Variants in ROBO1 observed in about 807,000 individuals in gnomAD.
The protein encoded by ROBO1 is roundabout homolog 1.
ROBO1 carries 149 observed loss-of-function variants against 195.9 expected under a neutral mutation model. The observed-to-expected ratio is 0.76, with a 90% CI of 0.67 to 0.87. ROBO1 has a LOEUF of 0.87. Ranked by LOEUF, ROBO1 falls within the 40% of genes least tolerant of loss-of-function variation. The pLI, the probability that ROBO1 is intolerant of heterozygous loss-of-function variation, is 0.00. For missense variants in ROBO1, 1,933 were observed against 2,068.3 expected (o/e 0.93, Z 1.27); for synonymous variants, 816 against 733.2 (o/e 1.11, Z -1.82).
rs551120996 is a variant in ROBO1, at chr3:79,224,143, T to C, written c.89-98604A>G. On this transcript the variant is annotated intron_variant, in intron 2 of 30. Coordinates refer to ENST00000464233, the MANE Select transcript of ROBO1 (RefSeq NM_002941.4). Reference sequence around the variant, plus strand: ...ACACCATGATAATCAGGTTTGAAATTCTCAATAGACAGAAAAAAAGGTCTT... The same window carrying C: ...ACACCATGATAATCAGGTTTGAAATCCTCAATAGACAGAAAAAAAGGTCTT... Among the ~76,000 whole-genome samples, 78 of 152,224 alleles carry C rather than the reference T, an allele frequency of 5.1e-4. No homozygotes were observed. In the East Asian group the frequency reaches 5.8e-3, roughly 11 times the overall value.
intron 1 of ROBO1, among the ~76,000 whole-genome samples, chr3:79,649,731 G>A (rs1945943804): frequency 6.6e-6 from 1 of 152,080 alleles, no homozygotes; most frequent in Admixed American, 6.6e-5. Context: ...ATTAGCCTAT[G>A]AGTCTGACTA....
At position 78,688,774 on chromosome 3, in the gene ROBO1, T is replaced by C; in HGVS notation, c.1046-2A>G. ...GTTTCACAACAAAATGTGGAGGTTC[T>C]GAAGGAGGTGAAACAAATTACACCG... is the stretch of plus-strand genomic sequence containing the variant. On this transcript the variant is annotated splice_acceptor_variant, in intron 8 of 30. Coordinates refer to ENST00000464233, the MANE Select transcript of ROBO1 (RefSeq NM_002941.4). LOFTEE classifies it high-confidence loss of function. The C allele has an allele frequency of 6.2e-7, 1 of 1,605,982 alleles. No homozygotes were observed. The highest frequency in any genetic ancestry group is 8.5e-7 in the Non-Finnish European group (1 of 1,176,076).
At chr3:78,718,486 C>T (rs890126525) in intron 5 of ROBO1, among the ~76,000 whole-genome samples, 1 of 152,062 alleles carries the variant, frequency 6.6e-6, no homozygotes, top group Non-Finnish European at 1.5e-5. Context: ...AGAGAATGAA[C>T]AGGTCCCAGT....
At chr3:78,880,657 G>A (rs556847161) in intron 4 of ROBO1, among the ~76,000 whole-genome samples, 49 of 152,146 alleles carry the variant, frequency 3.2e-4, no homozygotes, top group Non-Finnish European at 5.7e-4. Context: ...CAACCAGGCC[G>A]CTGCTCTTTG....
chr3:79,543,522 C>G (rs776676304), intron 2 of ROBO1, among the ~76,000 whole-genome samples: 11 of 151,996 alleles, frequency 7.2e-5, no homozygotes, highest in Admixed American at 6.6e-4. Flanking sequence ...ACTGATTATA[C>G]CTGTTAAACG....
intron 4 of ROBO1, among the ~76,000 whole-genome samples, chr3:78,787,393 T>C (rs954399615): frequency 6.6e-6 from 1 of 152,202 alleles, no homozygotes; most frequent in South Asian, 2.1e-4. Flanking sequence ...CTGTTTATGT[T>C]TTTGAAGCAA....
intron 2 of ROBO1, among the ~76,000 whole-genome samples, chr3:79,524,168 A>AGTGTGT (rs10663604): frequency 0.066 from 9,890 of 150,668 alleles, 439 homozygotes; most frequent in Non-Finnish European, 0.096. Flanking sequence ...ATTTGAAGTA[A>AGTGTGT]GTGTGTGTGT....
chr3:79,467,782 T>C (rs1938046456), intron 2 of ROBO1, among the ~76,000 whole-genome samples: 1 of 152,210 alleles, frequency 6.6e-6, no homozygotes, highest in Non-Finnish European at 1.5e-5. Flanking sequence ...TGTTCCTGGC[T>C]GGCAGGGCTA....
chr3:79,589,509 C>T (rs73849629), intron 2 of ROBO1, among the ~76,000 whole-genome samples: 3,604 of 151,782 alleles, frequency 0.024, 95 homozygotes, highest in African/African-American at 0.067. Flanking sequence ...GTGTTACACA[C>T]CTTTTCCCTA....
At chr3:79,004,713 G>C (rs575281048) in intron 3 of ROBO1, among the ~76,000 whole-genome samples, 30 of 152,152 alleles carry the variant, frequency 2.0e-4, no homozygotes, top group Admixed American at 5.9e-4. Context: ...GGAAGCAGAT[G>C]TTAGAAAAGC....
intron 3 of ROBO1, among the ~76,000 whole-genome samples, chr3:79,009,933 T>C (rs1446652487): frequency 2.0e-5 from 3 of 152,176 alleles, no homozygotes; most frequent in Non-Finnish European, 4.4e-5. Flanking sequence ...TAAAAACTAG[T>C]TGGTACTTAC....
At chr3:79,633,226 G>A (rs1269337494) in intron 1 of ROBO1, among the ~76,000 whole-genome samples, 1 of 150,346 alleles carries the variant, frequency 6.7e-6, no homozygotes, top group Non-Finnish European at 1.5e-5. Flanking sequence ...ATCTAGGCTG[G>A]AGTGCAGTAC....
chr3:78,934,914 T>C (rs1206880893), intron 4 of ROBO1, among the ~76,000 whole-genome samples: 1 of 152,056 alleles, frequency 6.6e-6, no homozygotes, highest in Non-Finnish European at 1.5e-5. Context: ...TTCCACGGAC[T>C]AGATTTTGGA....
intron 1 of ROBO1, among the ~76,000 whole-genome samples, chr3:79,707,062 A>G (rs1947794212): frequency 6.6e-6 from 1 of 152,152 alleles, no homozygotes; most frequent in Non-Finnish European, 1.5e-5. Flanking sequence ...TCTAAGAAAG[A>G]CTGTAGAGAA....
rs115582931 is a variant in ROBO1 at position 79,483,785 on chromosome 3, G to A, written c.88+106039C>T. 5.6e-3 allele frequency among the ~76,000 whole-genome samples: 854 copies of A among 152,244 alleles called. 5 individuals are homozygous for A. The highest frequency in any genetic ancestry group is 0.02 in the African/African-American group (814 of 41,544). ...AAGCATTGCTAAGATGAGCATGACT[G>A]TGTCTAGCAGACAATCATGGATCTG... On this transcript the variant is annotated intron_variant, in intron 2 of 30. Coordinates refer to ENST00000464233, the MANE Select transcript of ROBO1 (RefSeq NM_002941.4).
intron 2 of ROBO1, among the ~76,000 whole-genome samples, chr3:79,417,484 C>G (rs1266254973): frequency 6.6e-6 from 1 of 152,078 alleles, no homozygotes; most frequent in East Asian, 1.9e-4. Context: ...GATTCCTGAT[C>G]CTCTAAAACT....
chr3:78,815,352 A>C (rs1009908573), intron 4 of ROBO1, among the ~76,000 whole-genome samples: 47 of 152,184 alleles, frequency 3.1e-4, no homozygotes, highest in African/African-American at 1.1e-3. Flanking sequence ...AAAGTACTTG[A>C]AAGAGATTAG....
In ROBO1 at chr3:79,608,108, G is replaced by A. The variant is rs187229523; in HGVS notation, c.-50-18147C>T. ...TGTTGTCAAGTATAGACAGTCCTGG[G>A]TATACAACTAAACTTTGTTACATGC... On this transcript the variant is annotated intron_variant, in intron 1 of 30. Coordinates refer to ENST00000464233, the MANE Select transcript of ROBO1 (RefSeq NM_002941.4). 1.7e-3 allele frequency among the ~76,000 whole-genome samples: 260 copies of A among 152,062 alleles called. 4 individuals are homozygous for A. The highest frequency in any genetic ancestry group is 0.017 in the Admixed American group (258 of 15,222).
chr3:79,099,239 A>C (rs770997985), intron 3 of ROBO1, among the ~76,000 whole-genome samples: 5 of 151,844 alleles, frequency 3.3e-5, no homozygotes, highest in Non-Finnish European at 7.4e-5. Flanking sequence ...AAATCCTATC[A>C]AATAATTAAA....
Sources: gnomAD v4.1 joint callset for allele counts (sites outside exome capture counted in the v4.1 genomes callset) on GRCh38, gnomAD v4.1.1 for gene constraint, MANE v1.5 for transcripts, NCBI Gene and HGNC (gene_info 2026-07-23, HGNC 2026-07-21) for gene names.